The following ING4 variants were observed in gnomAD, a reference collection of about 807,000 sequenced individuals.
The protein encoded by ING4 is inhibitor of growth family member 4.
In ING4, 28 loss-of-function variants were observed where a neutral mutation model predicts 33.1. The ratio of observed to expected loss-of-function variants is 0.85; its 90% CI spans 0.63 to 1.16. The LOEUF is 1.16. ING4 is among the 50% of genes most tolerant of loss of function. The pLI is 0.00. For synonymous variants in ING4, 87 were observed against 104.4 expected (o/e 0.83, Z 1.02); for missense variants, 247 against 314.7 (o/e 0.78, Z 1.63).
At chr12:6,655,576 T>C (rs1949328007) in intron 2 of ING4, 8 of 1,098,248 alleles carry the variant, frequency 7.3e-6, no homozygotes, top group Non-Finnish European at 6.7e-6. Flanking sequence ...TCTCCAACTG[T>C]CTTTCCATGC....
intron 1 of ING4, among the ~76,000 whole-genome samples, chr12:6,662,548 C>A (rs1264063607): frequency 6.6e-6 from 1 of 152,128 alleles, no homozygotes; most frequent in African/African-American, 2.4e-5. Flanking sequence ...TTACATAAAT[C>A]GCATAAACAC....
chr12:6,657,545 A>G (rs1227325064), intron 1 of ING4, among the ~76,000 whole-genome samples: 2 of 152,178 alleles, frequency 1.3e-5, no homozygotes, highest in Non-Finnish European at 2.9e-5. Flanking sequence ...CAGTTCTCTC[A>G]TGACAGGCCA....
intron 2 of ING4, chr12:6,655,553 T>C (rs1949327662): frequency 1.5e-5 from 16 of 1,055,350 alleles, no homozygotes; most frequent in Non-Finnish European, 1.9e-5. Context: ...TGAAAAAGCA[T>C]ATAGTTCCAT....
At chr12:6,655,005 A>G (rs994394888) in intron 2 of ING4, among the ~76,000 whole-genome samples, 2 of 151,110 alleles carry the variant, frequency 1.3e-5, no homozygotes, top group Non-Finnish European at 2.9e-5. Context: ...GATTACAGAC[A>G]TGAGCCACGG....
At position 6,652,673 on chromosome 12, in the gene ING4, C is replaced by T. The variant is rs902201710; in HGVS notation, c.486G>A (p.Lys162=). The T allele has an allele frequency of 6.2e-7, 1 of 1,613,916 alleles. No homozygotes were observed. Among genetic ancestry groups the T allele is most frequent in the Non-Finnish European group, 8.5e-7 (1 of 1,179,958 alleles). ...EAPKTAQKKL[K]LVRTSPEYGM... ...CCTGAATCACTCACGTGCGCACGAGCTTTAACTTCTTCTGGGCAGTCTTGG... is the reference window on the plus strand; with the variant it reads ...CCTGAATCACTCACGTGCGCACGAGTTTTAACTTCTTCTGGGCAGTCTTGG... The change falls in exon 5 of 8, where the codon AAG becomes AAA. Residue 162 remains lysine, a synonymous_variant. Transcript: ENST00000341550.
chr12:6,661,073 C>T (rs1949531785), intron 1 of ING4, among the ~76,000 whole-genome samples: 3 of 151,106 alleles, frequency 2.0e-5, no homozygotes, highest in Admixed American at 1.3e-4. Flanking sequence ...GGATTATAGG[C>T]GTGAGCCACC....
rs1249040230 is a variant in ING4 at position 6,652,706 on chromosome 12, T to C, written c.453A>G (p.Glu151=). The change falls in exon 5 of 8, where the codon GAA becomes GAG. Residue 151 remains glutamate, a synonymous_variant. Transcript: ENST00000341550. ...RARSKGKNSD[E]EAPKTAQKKL... ...TCTTCTGGGCAGTCTTGGGGGCTTC[T>C]TCATCCGAGTTTTTCCCTTTGGAAC... 2.5e-6 allele frequency: 4 copies of C among 1,614,016 alleles called. No homozygotes were observed. The highest frequency in any genetic ancestry group is 3.3e-5 in the Admixed American group (2 of 59,994).
At chr12:6,662,946 A>G (rs1488427106) in intron 1 of ING4, 119 bp downstream of exon 1, 5 of 1,125,068 alleles carry the variant, frequency 4.4e-6, no homozygotes, top group Non-Finnish European at 6.5e-6. Context: ...ATTTCCTGCC[A>G]CAGAACCGCT....
rs776073675 is a variant in ING4, at chr12:6,653,276, T to A, written c.230A>T (p.Glu77Val). Residue 77 changes from glutamate (E) to valine (V), a missense_variant, in exon 3 of 8, where the codon GAA becomes GTA. By Grantham distance (121) the Glu-to-Val change is moderately radical. Transcript: ENST00000341550. The part of the protein sequence containing the change: ...QIQEAYGKCK[E>V]FGDDKVQLAM... Reference sequence around the variant, plus strand: ...AAGCTGCACCTTGTCGTCACCAAATTCCTTGCACTTGCCATAGGCTTCCTG... The same window carrying A: ...AAGCTGCACCTTGTCGTCACCAAATACCTTGCACTTGCCATAGGCTTCCTG... 9 of 1,613,994 alleles carry A rather than the reference T, an allele frequency of 5.6e-6. No individual in the cohort carries two copies. The highest frequency in any genetic ancestry group is 1.7e-6 in the Non-Finnish European group (2 of 1,180,040).
chr12:6,658,928 C>T (rs1258467464), intron 1 of ING4, among the ~76,000 whole-genome samples: 1 of 152,216 alleles, frequency 6.6e-6, no homozygotes, highest in East Asian at 1.9e-4. Context: ...TGGCTTTCCA[C>T]ATGCTGTTCT....
chr12:6,652,988 C>A lies in ING4; in HGVS notation c.339G>T (p.Glu113Asp), dbSNP rs774323936. 5.5e-5 allele frequency: 88 copies of A among 1,613,990 alleles called. No homozygotes were observed. Among genetic ancestry groups the A allele is most frequent in the Non-Finnish European group, 7.0e-5 (83 of 1,180,030 alleles). ...DLARFEADLK[E>D]KQIESSDYDS... Reference sequence around the variant, plus strand: ...CATAGTCACTTGACTCAATCTGTTTCTCCTTGAGATCAGCCTCAAAACGGG... The same window carrying A: ...CATAGTCACTTGACTCAATCTGTTTATCCTTGAGATCAGCCTCAAAACGGG... The change falls in exon 4 of 8, where the codon GAG becomes GAT. Residue 113 changes from glutamate to aspartate, a missense_variant. Physicochemically the swap from Glu to Asp is conservative, Grantham distance 45 (BLOSUM62 2). This residue lies in a region of ING4 where 198 missense variants were observed against 221.2 expected (regional missense o/e 0.89). Coordinates refer to ENST00000341550, the MANE Select transcript of ING4 (RefSeq NM_016162.4).
rs764177048 is a variant in ING4, at chr12:6,657,342, A to G, written c.38-544T>C. ...CGGGCGCCTGTACTCCCAGCTACTC[A>G]GGAGGCTGAGGCAGGAGAATGGCAT... On this transcript the variant is annotated intron_variant, in intron 1 of 7. Transcript: ENST00000341550. 3.3e-5 allele frequency among the ~76,000 whole-genome samples: 5 copies of G among 150,158 alleles called. No homozygotes were observed. In the East Asian group the frequency reaches 8.0e-4, roughly 24 times the overall value.
intron 1 of ING4, among the ~76,000 whole-genome samples, chr12:6,659,812 C>CA (rs35710003): frequency 0.029 from 2,197 of 74,926 alleles, 33 homozygotes; most frequent in African/African-American, 0.069. Flanking sequence ...GACTCTGTCT[C>CA]AAAAAAAAAA....
chr12:6,650,365 G>C lies in ING4; in HGVS notation c.*830C>G, dbSNP rs982224790. On this transcript the variant is annotated 3_prime_UTR_variant, in exon 8 of 8. Coordinates refer to ENST00000341550, the MANE Select transcript of ING4 (RefSeq NM_016162.4). ...GATGTTTTATGGAGAAAAGATGCAT[G>C]ATTTACAAAGTTTTGGAGACCCCCT... 6.6e-6 allele frequency: 1 copy of C among 152,254 alleles called. No homozygotes were observed. Among genetic ancestry groups the C allele is most frequent in the Non-Finnish European group, 1.5e-5 (1 of 68,058 alleles). The allele number at this position is 152,254 out of a possible 1,614,324, so 9.4% of individuals were successfully genotyped here.
intron 1 of ING4, among the ~76,000 whole-genome samples, chr12:6,659,049 A>T (rs1350422128): frequency 6.6e-6 from 1 of 152,236 alleles, no homozygotes; most frequent in African/African-American, 2.4e-5. Flanking sequence ...CAACTTTCCC[A>T]GACTCTGTTA....
chr12:6,657,447 TCAAACAAA>T (rs748962515), intron 1 of ING4, among the ~76,000 whole-genome samples: 4 of 151,730 alleles, frequency 2.6e-5, no homozygotes, highest in African/African-American at 9.7e-5. Context: ...AGACTCCATC[TCAAACAAA>T]CAAACAAACA....
At chr12:6,656,449 A>C in intron 2 of ING4, 1 of 301,258 alleles carries the variant, frequency 3.3e-6, no homozygotes. Context: ...TGCTGGGATT[A>C]CAGGTGTGAG....
Position 6,652,412 on chromosome 12 carries a change from A to G in ING4, c.504T>C (p.Pro168=), listed in dbSNP as rs1486971719. Reference sequence around the variant, plus strand: ...AGGTCACTGAGGGCATCCCATACTCAGGACTTCTGCATGCCAAGAGGAAGA... The same window carrying G: ...AGGTCACTGAGGGCATCCCATACTCGGGACTTCTGCATGCCAAGAGGAAGA... The part of the protein sequence containing the change: ...QKKLKLVRTS[P]EYGMPSVTFG... The change falls in exon 6 of 8, where the codon CCT becomes CCC. Residue 168 remains proline (P), a synonymous_variant. Coordinates refer to ENST00000341550, the MANE Select transcript of ING4 (RefSeq NM_016162.4). 1.2e-6 allele frequency: 2 copies of G among 1,613,782 alleles called. No homozygotes were observed. Among genetic ancestry groups the G allele is most frequent in the African/African-American group, 2.7e-5 (2 of 74,910 alleles).
intron 1 of ING4, among the ~76,000 whole-genome samples, chr12:6,659,995 A>C (rs1407922442): frequency 6.6e-6 from 1 of 152,176 alleles, no homozygotes; most frequent in Non-Finnish European, 1.5e-5. Flanking sequence ...GTTATTTGGT[A>C]TCTGTCTCCC....
Sources: allele counts gnomAD v4.1 joint callset (sites outside exome capture counted in the v4.1 genomes callset), GRCh38; gene constraint gnomAD v4.1.1; regional missense constraint gnomAD v4.1.1; transcripts MANE v1.5; gene names NCBI Gene and HGNC (gene_info 2026-07-23, HGNC 2026-07-21).